Variants in THUMPD3 observed in about 807,000 individuals in gnomAD.
THUMPD3 encodes tRNA (guanine(6)-N(2))-methyltransferase THUMP3.
In THUMPD3, 44 loss-of-function variants were observed where a neutral mutation model predicts 54.5. The ratio of observed to expected loss-of-function variants is 0.81; its 90% CI spans 0.63 to 1.04. The LOEUF is 1.04. Among genes scored for constraint, THUMPD3 ranks in the 50% least tolerant of loss-of-function variants. THUMPD3 has a pLI of 0.00. For synonymous variants in THUMPD3, 196 were observed against 201.4 expected (o/e 0.97, Z 0.23); for missense variants, 604 against 601.3 (o/e 1.00, Z -0.05).
chr3:9,373,819 T>C (rs1235737058), intron 4 of THUMPD3, among the ~76,000 whole-genome samples: 1 of 152,104 alleles, frequency 6.6e-6, no homozygotes, highest in Non-Finnish European at 1.5e-5. Context: ...GCTCAGGCTG[T>C]CCTCCCACCT....
chr3:9,378,624 T>C (rs933977825), intron 6 of THUMPD3, among the ~76,000 whole-genome samples: 2 of 152,202 alleles, frequency 1.3e-5, no homozygotes, highest in African/African-American at 2.4e-5. Flanking sequence ...GATTATATGA[T>C]TGGGTAGAAA....
intron 3 of THUMPD3, among the ~76,000 whole-genome samples, chr3:9,367,901 TA>T (rs1311273645): frequency 6.6e-6 from 1 of 151,940 alleles, no homozygotes; most frequent in Non-Finnish European, 1.5e-5. Flanking sequence ...CCGTCTCTAC[TA>T]AAAATATAAA....
chr3:9,384,242 T>G lies in THUMPD3; in HGVS notation c.1266T>G (p.Leu422=). ...RMGSKKRNWN[L]YPACLREMSR... Reference sequence around the variant, plus strand: ...GATCCAAGAAGAGAAACTGGAACCTTTATCCAGCTTGCCTACGGGAGATGA... The same window carrying G: ...GATCCAAGAAGAGAAACTGGAACCTGTATCCAGCTTGCCTACGGGAGATGA... Residue 422 remains leucine (L), a synonymous_variant, in exon 9 of 10, where the codon CTT becomes CTG. Transcript: ENST00000452837. The G allele has an allele frequency of 6.2e-7, 1 of 1,614,178 alleles. No individual in the cohort carries two copies. The highest frequency in any genetic ancestry group is 8.5e-7 in the Non-Finnish European group (1 of 1,180,022).
At chr3:9,378,943 G>T (rs2032672183) in intron 6 of THUMPD3, among the ~76,000 whole-genome samples, 1 of 152,000 alleles carries the variant, frequency 6.6e-6, no homozygotes, top group Non-Finnish European at 1.5e-5. Flanking sequence ...ACACAACAGA[G>T]CTCCGAGTAA....
chr3:9,376,430 C>T (rs550002209), intron 5 of THUMPD3, among the ~76,000 whole-genome samples: 1 of 152,278 alleles, frequency 6.6e-6, no homozygotes, highest in South Asian at 2.1e-4. Context: ...GCTTTTAGCT[C>T]TTTGTTCCAA....
rs2033243693 is a variant in THUMPD3 at position 9,385,089 on chromosome 3, G to C, written c.*401G>C. The C allele has an allele frequency of 5.7e-6, 1 of 175,928 alleles. No individual in the cohort carries two copies. The highest frequency in any genetic ancestry group is 2.4e-5 in the African/African-American group (1 of 42,142). 10.9% of individuals were successfully genotyped at this position (175,928 alleles called of 1,614,324 possible). On this transcript the variant is annotated 3_prime_UTR_variant, in exon 10 of 10. Coordinates refer to ENST00000452837, the MANE Select transcript of THUMPD3 (RefSeq NM_001114092.2). ...CAGCAGGCGGAGGTTGCGGTGAGTC[G>C]AGATCACGCCATTGCACTCCAGCCT...
At chr3:9,383,530 C>G (rs550095024) in intron 8 of THUMPD3, among the ~76,000 whole-genome samples, 71 of 152,168 alleles carry the variant, frequency 4.7e-4, no homozygotes, top group Non-Finnish European at 8.8e-4. Flanking sequence ...TTTAAATTAC[C>G]TGTAATTCAC....
In THUMPD3 at chr3:9,385,218, ATACTT is replaced by A. The variant is rs1354709396; in HGVS notation, c.*533_*537del. The A allele has an allele frequency of 2.0e-5, 3 of 153,204 alleles. No individual in the cohort carries two copies. Among genetic ancestry groups the A allele is most frequent in the Non-Finnish European group, 2.9e-5 (2 of 68,776 alleles). The allele number at this position is 153,204 out of a possible 1,614,324, so 9.5% of individuals were successfully genotyped here. A position where few individuals can be genotyped will look rare whatever the true frequency, so the allele number is the denominator to read the frequency against. On this transcript the variant is annotated 3_prime_UTR_variant, in exon 10 of 10. Coordinates refer to ENST00000452837, the MANE Select transcript of THUMPD3 (RefSeq NM_001114092.2). ...TAGCTTAATTAGTATTTTGTTGAAA[ATACTT>A]TAAAGATGCCTAGTGAAAAGCCTAC...
chr3:9,374,528 A>G lies in THUMPD3; in HGVS notation c.820A>G (p.Ile274Val), dbSNP rs2032311210. ...TNFDVEVLLN[I>V]HDNEVIVGIA... ...CACTTTGCTATAGGTTCTTTTGAAC[A>G]TCCATGATAATGAAGTCATTGTGGG... The change falls in exon 5 of 10, where the codon ATC becomes GTC. Residue 274 changes from isoleucine to valine, a missense_variant. Transcript: ENST00000452837. 2 of 1,613,578 alleles carry G rather than the reference A, an allele frequency of 1.2e-6. No homozygotes were observed. Among genetic ancestry groups the G allele is most frequent in the Admixed American group, 1.7e-5 (1 of 59,882 alleles).
intron 4 of THUMPD3, among the ~76,000 whole-genome samples, chr3:9,372,251 T>C (rs1340259961): frequency 6.6e-6 from 1 of 152,190 alleles, no homozygotes; most frequent in Non-Finnish European, 1.5e-5. Flanking sequence ...TTTGTTTTTG[T>C]GTGTCTTGGT....
intron 9 of THUMPD3, 43 bp downstream of exon 9, chr3:9,384,378 T>A: frequency 2.5e-6 from 4 of 1,598,134 alleles, no homozygotes; most frequent in Non-Finnish European, 3.4e-6. Flanking sequence ...GTGGCAACTT[T>A]GGGATCTTTT....
chr3:9,366,803 A>G (rs1210494001), intron 2 of THUMPD3, 105 bp from the exon 3 acceptor site: 1 of 831,362 alleles, frequency 1.2e-6, no homozygotes, highest in East Asian at 2.7e-5. Flanking sequence ...TATAGTTAGT[A>G]GCTGCTTTAA....
Position 9,384,261 on chromosome 3 carries a change from G to T in THUMPD3, c.1285G>T (p.Glu429Ter), listed in dbSNP as rs764742977. ...GAACCTTTATCCAGCTTGCCTACGG[G>T]AGATGAGCCGTGTCTGCACACCTAC... The part of the protein sequence containing the change: ...NWNLYPACLR[E>*]MSRVCTPTTG... Residue 429 changes from glutamate (E) to a stop codon, truncating the protein, a stop_gained, in exon 9 of 10, where the codon GAG (glutamate) becomes TAG (stop). Transcript: ENST00000452837. LOFTEE classifies it high-confidence loss of function. 1.9e-6 allele frequency: 3 copies of T among 1,614,164 alleles called. No individual in the cohort carries two copies. In the South Asian group the frequency reaches 3.3e-5, roughly 18 times the overall value.
At chr3:9,377,718 GC>G in intron 5 of THUMPD3, 100 bp from the exon 6 acceptor site, 1 of 847,854 alleles carries the variant, frequency 1.2e-6, no homozygotes, top group Admixed American at 2.2e-5. Flanking sequence ...GTTCCTTCGG[GC>G]TAGTGTGGTA....
intron 3 of THUMPD3, among the ~76,000 whole-genome samples, chr3:9,369,794 ATAC>A (rs1449811427): frequency 3.3e-5 from 5 of 152,134 alleles, no homozygotes; most frequent in Non-Finnish European, 2.9e-5. Flanking sequence ...TATCCCATTG[ATAC>A]TTATTGATAA....
In THUMPD3 at chr3:9,384,342, T is replaced by TAC. The variant is rs2033169878; in HGVS notation, c.1359+11_1359+12dup. The TAC allele has an allele frequency of 6.2e-7, 1 of 1,607,908 alleles. No homozygotes were observed. Among genetic ancestry groups the TAC allele is most frequent in the Non-Finnish European group, 8.5e-7 (1 of 1,177,926 alleles). ...CACAAAATGCTTTACCAAGGTGCTA[T>TAC]ACACATTAGCTCAAAATCGCAGCCT... On this transcript the variant is annotated splice_region_variant and intron_variant, in intron 9 of 9. Coordinates refer to ENST00000452837, the MANE Select transcript of THUMPD3 (RefSeq NM_001114092.2).
At chr3:9,370,791 A>C (rs1036605835) in intron 3 of THUMPD3, among the ~76,000 whole-genome samples, 9 of 152,204 alleles carry the variant, frequency 5.9e-5, no homozygotes, top group Non-Finnish European at 8.8e-5. Context: ...ACAGTATAAC[A>C]ACTATTTCCA....
chr3:9,383,892 G>C lies in THUMPD3; in HGVS notation c.1236-320G>C, dbSNP rs558952579. On this transcript the variant is annotated intron_variant, in intron 8 of 9. Coordinates refer to ENST00000452837, the MANE Select transcript of THUMPD3 (RefSeq NM_001114092.2). ...CCGCCTCAGCCTCCCAAACTGCTGG[G>C]ATTACAGGCATGAGCCACCAAAACA... is the stretch of plus-strand genomic sequence containing the variant. 5.3e-5 allele frequency among the ~76,000 whole-genome samples: 8 copies of C among 152,288 alleles called. No homozygotes were observed. The South Asian group carries it at 1.7e-3, about 32-fold the overall frequency.
At chr3:9,378,701 A>G (rs1373583966) in intron 6 of THUMPD3, among the ~76,000 whole-genome samples, 1 of 152,256 alleles carries the variant, frequency 6.6e-6, no homozygotes, top group Non-Finnish European at 1.5e-5. Context: ...TAATTAGAAA[A>G]TGGTATCTGT....
Sources: gnomAD v4.1 joint callset for allele counts (sites outside exome capture counted in the v4.1 genomes callset) on GRCh38, gnomAD v4.1.1 for gene constraint, MANE v1.5 for transcripts, NCBI Gene and HGNC (gene_info 2026-07-23, HGNC 2026-07-21) for gene names.